Variants in EGR2 observed in about 807,000 individuals in gnomAD.
EGR2 encodes E3 SUMO-protein ligase EGR2.
Under a neutral mutation model 21.2 loss-of-function variants are expected in EGR2, and 2 were observed. The ratio of observed to expected loss-of-function variants is 0.09; its 90% confidence interval spans 0.04 to 0.30. The LOEUF (loss-of-function observed/expected upper bound fraction) is 0.30. Among genes scored for constraint, EGR2 ranks in the 10% least tolerant of loss-of-function variants. The pLI, the probability that EGR2 is intolerant of heterozygous loss-of-function variation, is 1.00. For synonymous variants in EGR2, 282 were observed against 258.2 expected, an observed-to-expected ratio of 1.09 and a Z score of -0.88; for missense variants, 458 against 630.2, an observed-to-expected ratio of 0.73 and a Z score of 2.93.
rs1448194209 is a variant in EGR2 at position 62,814,707 on chromosome 10, C to G, written c.170-239G>C. 6.6e-6 allele frequency among the ~76,000 whole-genome samples: 1 copy of G among 152,180 alleles called. No homozygotes were observed. The highest frequency in any genetic ancestry group is 2.4e-5 in the African/African-American group (1 of 41,438). On this transcript the variant is annotated intron_variant, in intron 1 of 1. Transcript: ENST00000242480. This position sits in a 1 kb window ranked among gnomAD's most constrained non-coding sequence, Gnocchi z 4.8. ...ACTACCTCCAAAAAAGCAGAATGAGCTTTTCCCAACTCCCCTCCACCCCCA... is the reference window on the plus strand; with the variant it reads ...ACTACCTCCAAAAAAGCAGAATGAGGTTTTCCCAACTCCCCTCCACCCCCA...
chr10:62,818,604 G>A, upstream of EGR2: 1 of 1,276,968 alleles, frequency 7.8e-7, no homozygotes, highest in Non-Finnish European at 1.0e-6. Context: ...CTGACCATGG[G>A]CAAGACGACG....
At chr10:62,818,495 A>C (rs781504918), upstream of EGR2, 58 of 1,115,988 alleles carry the variant, frequency 5.2e-5, no homozygotes, top group Non-Finnish European at 6.7e-5. Context: ...TTTCTCAAGA[A>C]AGAAAGAAAG....
chr10:62,816,569 G>A (rs556823469), upstream of EGR2, among the ~76,000 whole-genome samples: 76 of 152,170 alleles, frequency 5.0e-4, no homozygotes, highest in Non-Finnish European at 9.4e-4. Context: ...TGGGGTCCCG[G>A]GCGCGCGGCC....
chr10:62,815,462 T>A, intron 1 of EGR2, among the ~76,000 whole-genome samples: 1 of 152,042 alleles, frequency 6.6e-6, no homozygotes, highest in Non-Finnish European at 1.5e-5. Context: ...GCCGCTCGGC[T>A]CTCCAGGCGC....
Position 62,813,243 on chromosome 10 carries a change from C to A in EGR2, c.1395G>T (p.Pro465=). 6.4e-7 allele frequency: 1 copy of A among 1,566,290 alleles called. No homozygotes were observed. Among genetic ancestry groups the A allele is most frequent in the Non-Finnish European group, 8.6e-7 (1 of 1,157,992 alleles). Residue 465 remains proline (P), a synonymous_variant, in exon 2 of 2, where the codon CCG becomes CCT. Coordinates refer to ENST00000242480, the MANE Select transcript of EGR2 (RefSeq NM_000399.5). This position sits in a 1 kb window ranked among gnomAD's most constrained non-coding sequence, Gnocchi z 5.7. The stretch of plus-strand genomic sequence containing the variant: ...GGGTCCGAGAGGAGCAAGGGGCGAG[C>A]GGCCCTCCGCCAAGACTGCTGCTGT... ...SSNSSSLGGG[P]LAPCSSRTRT...
At position 62,814,270 on chromosome 10, in the gene EGR2, C is replaced by G. The variant is rs778832811; in HGVS notation, c.368G>C (p.Gly123Ala). The change falls in exon 2 of 2, where the codon GGG becomes GCG. Residue 123 changes from glycine (G) to alanine (A), a missense_variant. Physicochemically the swap from Gly to Ala is moderately conservative, Grantham distance 60. This residue lies in a region of EGR2 where 253 missense variants were observed against 315.5 expected (regional missense o/e 0.80). Transcript: ENST00000242480. The surrounding 1 kb of genome is among the most constrained non-coding windows in gnomAD (Gnocchi z 4.8). ...INIVSAGILQ[G>A]VTSPASTTAS... is the part of the protein sequence containing the mutation. ...TGTGGTTGAAGCTGGGGAAGTGACC[C>G]CTTGCAAGATGCCTGCACTCACAAT... is the stretch of plus-strand genomic sequence containing the variant. The G allele has an allele frequency of 1.2e-6, 2 of 1,614,036 alleles. No individual in the cohort carries two copies. Among genetic ancestry groups the G allele is most frequent in the Non-Finnish European group, 1.7e-6 (2 of 1,180,002 alleles).
chr10:62,815,261 C>A (rs569970371), intron 1 of EGR2, among the ~76,000 whole-genome samples: 1 of 152,226 alleles, frequency 6.6e-6, no homozygotes, highest in Non-Finnish European at 1.5e-5. Context: ...CCCGCCGTTG[C>A]GCGCCCTCCT....
Position 62,814,614 on chromosome 10 carries a change from G to A in EGR2, c.170-146C>T. 1.2e-6 allele frequency: 1 copy of A among 807,850 alleles called. No homozygotes were observed. The highest frequency in any genetic ancestry group is 2.1e-6 in the Non-Finnish European group (1 of 483,320). 50.0% of individuals were successfully genotyped at this position (807,850 alleles called of 1,614,324 possible). On this transcript the variant is annotated intron_variant, in intron 1 of 1. Coordinates refer to ENST00000242480, the MANE Select transcript of EGR2 (RefSeq NM_000399.5). The surrounding 1 kb of genome is among the most constrained non-coding windows in gnomAD (Gnocchi z 4.8). ...GCAAAGTCCAAAAGGTGGGGAAATT[G>A]AGGCCCACAGACTGTAAGAAGAGGC...
At position 62,813,302 on chromosome 10, in the gene EGR2, C is replaced by T. The variant is rs1424128994; in HGVS notation, c.1336G>A (p.Gly446Ser). ...PAPSTASCSG[G>S]VQPGGTLCSS... ...CACAGGGTACCCCCAGGCTGCACGC[C>T]CCCAGAGCAGGAGGCTGTAGAGGGG... Residue 446 changes from glycine (G) to serine (S), a missense_variant, in exon 2 of 2, where the codon GGC becomes AGC. Physicochemically the swap from Gly to Ser is moderately conservative, Grantham distance 56. Transcript: ENST00000242480. The surrounding 1 kb of genome is among the most constrained non-coding windows in gnomAD (Gnocchi z 5.7). 6.3e-7 allele frequency: 1 copy of T among 1,577,130 alleles called. No homozygotes were observed. The highest frequency in any genetic ancestry group is 8.6e-7 in the Non-Finnish European group (1 of 1,159,098).
At chr10:62,817,825 G>A (rs1838290250), upstream of EGR2, among the ~76,000 whole-genome samples, 1 of 152,148 alleles carries the variant, frequency 6.6e-6, no homozygotes, top group Admixed American at 6.5e-5. The surrounding 1 kb of genome is among the most constrained non-coding windows in gnomAD (Gnocchi z 4.4). Flanking sequence ...CTTGCTGGGC[G>A]CAAAGCTTCT....
chr10:62,816,080 A>G lies in EGR2; in HGVS notation c.-51T>C. ...CAACTCCCTCGCTACCTGGAGTGTCAGAAAAGCCGTTTTGGAGAGGGGTTG... is the reference window on the plus strand; with the variant it reads ...CAACTCCCTCGCTACCTGGAGTGTCGGAAAAGCCGTTTTGGAGAGGGGTTG... On this transcript the variant is annotated 5_prime_UTR_variant, in exon 1 of 2. Transcript: ENST00000242480. The G allele has an allele frequency of 6.2e-7, 1 of 1,613,870 alleles. No individual in the cohort carries two copies.
Position 62,816,287 on chromosome 10 carries a change from A to G in EGR2, c.-258T>C, listed in dbSNP as rs1475813126. The G allele has an allele frequency of 1.5e-6, 2 of 1,351,276 alleles. No homozygotes were observed. The highest frequency in any genetic ancestry group is 3.1e-5 in the East Asian group (1 of 31,804). The allele number at this position is 1,351,276 out of a possible 1,614,324, so 83.7% of individuals were successfully genotyped here. A position where few individuals can be genotyped will look rare whatever the true frequency, so the allele number is the denominator to read the frequency against. On this transcript the variant is annotated 5_prime_UTR_variant, in exon 1 of 2. Transcript: ENST00000242480. ...TCTGTGTTCCGGCTGCTGGGAAGCC[A>G]GGAGTTGCTGGTGTAGTGTTATTAT...
At chr10:62,818,307 C>G (rs1277080035), upstream of EGR2, among the ~76,000 whole-genome samples, 1 of 152,208 alleles carries the variant, frequency 6.6e-6, no homozygotes, top group Non-Finnish European at 1.5e-5. Flanking sequence ...CCAAAACAGC[C>G]GGTATCCAGC....
upstream of EGR2, among the ~76,000 whole-genome samples, chr10:62,818,294 C>G (rs1354056443): frequency 6.6e-6 from 1 of 152,230 alleles, no homozygotes; most frequent in Non-Finnish European, 1.5e-5. Flanking sequence ...TCTCCCCCTC[C>G]CTCCAAAACA....
At chr10:62,816,462 C>G, upstream of EGR2, 2 of 880,834 alleles carry the variant, frequency 2.3e-6, no homozygotes, top group Non-Finnish European at 2.8e-6. Flanking sequence ...CTGGGCCAGG[C>G]GGCTTTTGCC....
chr10:62,815,658 G>A (rs2132711505), intron 1 of EGR2, among the ~76,000 whole-genome samples: 1 of 152,332 alleles, frequency 6.6e-6, no homozygotes, highest in Non-Finnish European at 1.5e-5. Flanking sequence ...CCGGTTTGCT[G>A]GCGACCTGGC....
Position 62,813,765 on chromosome 10 carries a change from T to C in EGR2, c.873A>G (p.Gly291=). The C allele has an allele frequency of 6.2e-6, 10 of 1,612,016 alleles. No individual in the cohort carries two copies. The highest frequency in any genetic ancestry group is 1.1e-5 in the South Asian group (1 of 91,044). Residue 291 remains glycine, a synonymous_variant, in exon 2 of 2, where the codon GGA becomes GGG. Transcript: ENST00000242480. This position sits in a 1 kb window ranked among gnomAD's most constrained non-coding sequence, Gnocchi z 5.7. ...CTGAGCTGCTACCAGGCAGCCGGGG[T>C]CCCTCGCTGCCTCCACTGGCCCCTG... ...TGPGASGGSE[G]PRLPGSSSAA...
chr10:62,818,095 C>G (rs886402254), upstream of EGR2, among the ~76,000 whole-genome samples: 2 of 152,248 alleles, frequency 1.3e-5, no homozygotes, highest in Non-Finnish European at 2.9e-5. Context: ...TTAGTGTGGG[C>G]CGGGGCGGGC....
Position 62,814,102 on chromosome 10 carries a change from C to T in EGR2, c.536G>A (p.Gly179Glu). Residue 179 changes from glycine (G) to glutamate (E), a missense_variant, in exon 2 of 2, where the codon GGA becomes GAA. Transcript: ENST00000242480. This position sits in a 1 kb window ranked among gnomAD's most constrained non-coding sequence, Gnocchi z 4.8. ...PPPPPYSGCA[G>E]DLYQDPSAFL... Reference sequence around the variant, plus strand: ...CGCAGAAGGGTCCTGGTAGAGGTCTCCTGCACAGCCAGAATAAGGAGGAGG... The same window carrying T: ...CGCAGAAGGGTCCTGGTAGAGGTCTTCTGCACAGCCAGAATAAGGAGGAGG... The T allele has an allele frequency of 6.2e-7, 1 of 1,613,828 alleles. No individual in the cohort carries two copies. The highest frequency in any genetic ancestry group is 8.5e-7 in the Non-Finnish European group (1 of 1,179,858).
Sources: gnomAD v4.1 joint callset for allele counts (sites outside exome capture counted in the v4.1 genomes callset) on GRCh38, gnomAD v4.1.1 for gene constraint, gnomAD v4.1.1 regional missense constraint, Gnocchi (gnomAD v3.1) non-coding constraint, MANE v1.5 for transcripts, NCBI Gene and HGNC (gene_info 2026-07-23, HGNC 2026-07-21) for gene names.